Variants in PARL observed in about 807,000 individuals in gnomAD.
PARL encodes the protein presenilin-associated rhomboid-like protein, mitochondrial.
PARL carries 44 observed loss-of-function variants against 51.6 expected under a neutral mutation model. The ratio of observed to expected loss-of-function variants is 0.85; its 90% CI spans 0.67 to 1.10. The LOEUF is 1.10. PARL is among the 50% of genes least tolerant of loss of function. The pLI, the probability that PARL is intolerant of heterozygous loss-of-function variation, is 0.00. For missense variants in PARL, 441 were observed against 469.5 expected (o/e 0.94, Z 0.56); for synonymous variants, 172 against 164.0 (o/e 1.05, Z -0.37).
At chr3:183,863,893 T>C (rs1343577275) in intron 3 of PARL, among the ~76,000 whole-genome samples, 1 of 152,232 alleles carries the variant, frequency 6.6e-6, no homozygotes, top group Non-Finnish European at 1.5e-5. Context: ...ATTCAACTTA[T>C]CATTTAATTA....
chr3:183,876,968 C>G (rs1211052181), intron 1 of PARL, among the ~76,000 whole-genome samples: 1 of 152,140 alleles, frequency 6.6e-6, no homozygotes, highest in African/African-American at 2.4e-5. Context: ...TCCCAGTACC[C>G]TGGGAGGCCG....
At chr3:183,861,627 A>C (rs1054394377) in intron 4 of PARL, among the ~76,000 whole-genome samples, 5 of 152,224 alleles carry the variant, frequency 3.3e-5, no homozygotes, top group Non-Finnish European at 7.3e-5. Context: ...TCTCCACTTA[A>C]GTACAGAAAA....
chr3:183,873,226 C>T (rs11928605), intron 1 of PARL, among the ~76,000 whole-genome samples: 9,986 of 152,186 alleles, frequency 0.066, 333 homozygotes, highest in East Asian at 0.081. Flanking sequence ...AAGTTGACAG[C>T]CGGGCATGGT....
chr3:183,842,282 G>A lies in PARL; in HGVS notation c.757+16C>T. The A allele has an allele frequency of 6.2e-7, 1 of 1,611,094 alleles. No individual in the cohort carries two copies. On this transcript the variant is annotated intron_variant, in intron 6 of 9. Coordinates refer to ENST00000317096, the MANE Select transcript of PARL (RefSeq NM_018622.7). ...GTGCTTATACTCTCAAAGGCCCCGA[G>A]ATTAAAGCATATTACCTGCAGATAG...
intron 1 of PARL, among the ~76,000 whole-genome samples, chr3:183,882,579 T>C (rs998306158): frequency 2.0e-5 from 3 of 152,142 alleles, no homozygotes; most frequent in African/African-American, 7.2e-5. Flanking sequence ...GTTTCCACTT[T>C]CAAGCCTCAA....
chr3:183,868,195 T>A, intron 1 of PARL, 135 bp from the exon 2 acceptor site: 1 of 700,094 alleles, frequency 1.4e-6, no homozygotes, highest in Non-Finnish European at 2.5e-6. Context: ...CCAAGACTCC[T>A]ACTCTCAGAC....
At chr3:183,874,053 C>T (rs1198532880) in intron 1 of PARL, among the ~76,000 whole-genome samples, 1 of 152,188 alleles carries the variant, frequency 6.6e-6, no homozygotes, top group Non-Finnish European at 1.5e-5. Flanking sequence ...TGTCTTTTGG[C>T]ACCATTTTTC....
chr3:183,833,923 T>A, intron 7 of PARL, 98 bp from the exon 8 acceptor site: 2 of 799,092 alleles, frequency 2.5e-6, no homozygotes, highest in South Asian at 1.4e-5. Context: ...AAAGTTTACA[T>A]GCTGCACATT....
At chr3:183,846,535 G>A (rs561084090) in intron 4 of PARL, 355 of 984,982 alleles carry the variant, frequency 3.6e-4, no homozygotes, top group Non-Finnish European at 4.2e-4. Context: ...AGACATTGAG[G>A]TTAACAGTAG....
chr3:183,882,660 T>C (rs988900522), intron 1 of PARL, among the ~76,000 whole-genome samples: 1 of 152,156 alleles, frequency 6.6e-6, no homozygotes, highest in African/African-American at 2.4e-5. Flanking sequence ...AAAGGCCAGA[T>C]AGAAGATATT....
At chr3:183,833,861 A>C in intron 7 of PARL, 36 bp from the exon 8 acceptor site, 10 of 1,271,956 alleles carry the variant, frequency 7.9e-6, no homozygotes, top group African/African-American at 1.5e-5. Context: ...TGGGAAACTC[A>C]ATATGCAACT....
chr3:183,853,341 T>C (rs2108639976), intron 4 of PARL, among the ~76,000 whole-genome samples: 1 of 152,200 alleles, frequency 6.6e-6, no homozygotes, highest in South Asian at 2.1e-4. Flanking sequence ...GGTAGGTGGA[T>C]CATTTGAAGT....
At chr3:183,849,081 C>T (rs115169832) in intron 4 of PARL, among the ~76,000 whole-genome samples, 1,731 of 152,196 alleles carry the variant, frequency 0.011, 13 homozygotes, top group Non-Finnish European at 0.017. Context: ...GAATAAATAA[C>T]AATAATAGCT....
At chr3:183,871,577 A>C (rs1560426658) in intron 1 of PARL, among the ~76,000 whole-genome samples, 1 of 151,640 alleles carries the variant, frequency 6.6e-6, no homozygotes, top group Non-Finnish European at 1.5e-5. Flanking sequence ...TACATCATGG[A>C]TAACTCTCAA....
Position 183,852,511 on chromosome 3 carries a change from C to A in PARL, c.512-8185G>T, listed in dbSNP as rs1229037591. 5.3e-5 allele frequency among the ~76,000 whole-genome samples: 8 copies of A among 151,892 alleles called. No homozygotes were observed. In the East Asian group the frequency reaches 1.5e-3, roughly 29 times the overall value. On this transcript the variant is annotated intron_variant, in intron 4 of 9. Transcript: ENST00000317096. ...GCTGAGGGGAGGGGGTAATAGGGAG[C>A]TATTGTTTAACAGGTTCAGTGTTTC...
chr3:183,884,816 A>C lies in PARL; in HGVS notation c.31T>G (p.Trp11Gly), dbSNP rs763167412. The C allele has an allele frequency of 6.9e-6, 11 of 1,597,184 alleles. No individual in the cohort carries two copies. In the Admixed American group the frequency reaches 1.2e-4, roughly 17 times the overall value. MAWRGWAQRGWGCGQAWGASV... is the reference protein window; with the variant it reads MAWRGWAQRGGGCGQAWGASV... ...GCACCCCACGCCTGGCCGCAGCCCC[A>C]GCCTCTCTGCGCCCAGCCTCGCCAC... Residue 11 changes from tryptophan to glycine, a missense_variant, in exon 1 of 10, where the codon TGG (tryptophan) becomes GGG (glycine). Transcript: ENST00000317096.
chr3:183,876,719 G>T (rs1419166303), intron 1 of PARL, among the ~76,000 whole-genome samples: 1 of 151,624 alleles, frequency 6.6e-6, no homozygotes, highest in Non-Finnish European at 1.5e-5. Flanking sequence ...TTTTCTGATG[G>T]ATCTGGGCAA....
At position 183,844,316 on chromosome 3, in the gene PARL, A is replaced by G. The variant is rs1180252824; in HGVS notation, c.522T>C (p.Ala174=). 6 of 1,581,410 alleles carry G rather than the reference A, an allele frequency of 3.8e-6. No individual in the cohort carries two copies. The highest frequency in any genetic ancestry group is 5.2e-6 in the Non-Finnish European group (6 of 1,150,238). ...DGQRTVTGII[A]ANVLVFCLWR... ...ATAAACAGAATACAAGGACATTTGC[A>G]GCTATAATACCTACAAAATAAATAT... is the stretch of plus-strand genomic sequence containing the variant. Residue 174 remains alanine, a synonymous_variant, in exon 5 of 10, where the codon GCT becomes GCC. Transcript: ENST00000317096.
At chr3:183,855,831 G>A (rs886729554) in intron 4 of PARL, among the ~76,000 whole-genome samples, 59 of 152,078 alleles carry the variant, frequency 3.9e-4, no homozygotes, top group Admixed American at 2.0e-4. Flanking sequence ...GTGATGACAG[G>A]TGCCTGTAAT....
Sources: gnomAD v4.1 joint callset for allele counts (sites outside exome capture counted in the v4.1 genomes callset) on GRCh38, gnomAD v4.1.1 for gene constraint, MANE v1.5 for transcripts, NCBI Gene and HGNC (gene_info 2026-07-23, HGNC 2026-07-21) for gene names.